The following POLM variants were observed in gnomAD, a reference collection of about 807,000 sequenced individuals.
POLM encodes DNA-directed DNA/RNA polymerase mu.
Under a neutral mutation model 56.7 loss-of-function variants are expected in POLM, and 52 were observed. That is an observed-to-expected ratio of 0.92 (90% CI 0.73 to 1.15). The LOEUF is 1.15. Ranked by LOEUF, POLM falls within the 50% of genes most tolerant of loss-of-function variation. POLM has a pLI of 0.00. For missense variants in POLM, 660 were observed against 663.6 expected (o/e 0.99, Z 0.06); for synonymous variants, 273 against 274.3 (o/e 1.00, Z 0.05).
At chr7:44,076,249 G>A in intron 6 of POLM, 2 of 413,002 alleles carry the variant, frequency 4.8e-6, no homozygotes, top group Admixed American at 3.8e-5. Context: ...GGCTGTCCCT[G>A]GTCACTGGTC....
intron 5 of POLM, 123 bp from the exon 6 acceptor site, chr7:44,076,752 C>T: frequency 8.0e-7 from 1 of 1,246,558 alleles, no homozygotes; most frequent in East Asian, 2.4e-5. Context: ...TCCCCACTCG[C>T]AACCTGCCGT....
intron 2 of POLM, 137 bp from the exon 3 acceptor site, chr7:44,080,096 C>A: frequency 3.0e-6 from 2 of 673,686 alleles, no homozygotes; most frequent in Non-Finnish European, 5.3e-6. Flanking sequence ...GGCAACAAAA[C>A]ACCAGCGGCA....
Position 44,073,393 on chromosome 7 carries a change from G to A in POLM, c.1399-16C>T. On this transcript the variant is annotated splice_polypyrimidine_tract_variant and intron_variant, in intron 10 of 10. Transcript: ENST00000242248. The stretch of plus-strand genomic sequence containing the variant: ...AAAATGTCTTCTGCAACAGAAGCAG[G>A]ACTTCCGTGACCTAGGAGTCTTGCC... 1 of 1,612,366 alleles carries A rather than the reference G, an allele frequency of 6.2e-7. No individual in the cohort carries two copies. Among genetic ancestry groups the A allele is most frequent in the Non-Finnish European group, 8.5e-7 (1 of 1,179,326 alleles).
chr7:44,072,145 G>C lies in POLM; in HGVS notation c.*1146C>G, dbSNP rs377279762. On this transcript the variant is annotated 3_prime_UTR_variant, in exon 11 of 11. Transcript: ENST00000242248. ...GGGATGTAGCACCGCTAAGTGGGTG[G>C]GGGTGGAGAAGCACATGACCACAAT... is the stretch of plus-strand genomic sequence containing the variant. 1.9e-4 allele frequency: 29 copies of C among 152,280 alleles called. No individual in the cohort carries two copies. Among genetic ancestry groups the C allele is most frequent in the African/African-American group, 7.0e-4 (29 of 41,446 alleles). 9.4% of individuals were successfully genotyped at this position (152,280 alleles called of 1,614,324 possible). A position where few individuals can be genotyped will look rare whatever the true frequency, so the allele number is the denominator to read the frequency against.
At chr7:44,080,391 A>T (rs1001110517) in intron 2 of POLM, 1 of 554,712 alleles carries the variant, frequency 1.8e-6, no homozygotes, top group Admixed American at 2.2e-5. Context: ...GCCTTATAGC[A>T]TCCAGAGGAC....
chr7:44,082,496 G>T lies in POLM; in HGVS notation c.-58C>A. The T allele has an allele frequency of 3.7e-6, 2 of 541,264 alleles. No homozygotes were observed. Among genetic ancestry groups the T allele is most frequent in the African/African-American group, 2.1e-5 (1 of 47,282 alleles). The allele number at this position is 541,264 out of a possible 1,614,324, so 33.5% of individuals were successfully genotyped here. A position where few individuals can be genotyped will look rare whatever the true frequency, so the allele number is the denominator to read the frequency against. On this transcript the variant is annotated 5_prime_UTR_variant, in exon 1 of 11. Coordinates refer to ENST00000242248, the MANE Select transcript of POLM (RefSeq NM_013284.4). The stretch of plus-strand genomic sequence containing the variant: ...CGCAGAGGGAAACTCCGAGCGAGAC[G>T]GAAGGAAGCCCCAGTGAGGCTGACG...
At chr7:44,078,604 CTTCCTCGGCAAGACCT>C (rs2096190211) in intron 5 of POLM, 120 bp downstream of exon 5, 1 of 717,658 alleles carries the variant, frequency 1.4e-6, no homozygotes, top group East Asian at 2.7e-5. Flanking sequence ...TTAGCTGCCA[CTTCCTCGGCAAGACCT>C]TCTCTGACCC....
intron 4 of POLM, 146 bp downstream of exon 4, chr7:44,079,425 A>G (rs913373702): frequency 1.4e-6 from 1 of 709,814 alleles, no homozygotes; most frequent in East Asian, 2.7e-5. Context: ...ATCTGAGCGC[A>G]GAGGGTGGCT....
At chr7:44,076,918 A>C in intron 5 of POLM, 1 of 304,944 alleles carries the variant, frequency 3.3e-6, no homozygotes, top group East Asian at 5.8e-5. Flanking sequence ...ACCCTAACAC[A>C]TCAGCACGAG....
intron 6 of POLM, among the ~76,000 whole-genome samples, chr7:44,074,950 A>G (rs1586014382): frequency 6.6e-6 from 1 of 152,196 alleles, no homozygotes; most frequent in East Asian, 1.9e-4. Context: ...TGGGACCAAG[A>G]GGTGGTAAAA....
At position 44,072,065 on chromosome 7, in the gene POLM, G is replaced by C. The variant is rs969453115; in HGVS notation, c.*1226C>G. The stretch of plus-strand genomic sequence containing the variant: ...GGCTGTGGGGAGAGGCCAGTCCAAA[G>C]GTTAAATATAGTTTGGTTCTATTTA... On this transcript the variant is annotated 3_prime_UTR_variant, in exon 11 of 11. Coordinates refer to ENST00000242248, the MANE Select transcript of POLM (RefSeq NM_013284.4). 4.6e-5 allele frequency among the ~76,000 whole-genome samples: 7 copies of C among 152,168 alleles called. No homozygotes were observed. Among genetic ancestry groups the C allele is most frequent in the African/African-American group, 1.7e-4 (7 of 41,426 alleles).
Position 44,073,811 on chromosome 7 carries a change from A to G in POLM, c.1286T>C (p.Phe429Ser). ...LVVAPVSQFP[F>S]ALLGWTGSKL... ...GGAGCCAGTCCAACCGAGCAGGGCG[A>G]AAGGGAACTGGCTGACGGGTGCAAC... Residue 429 changes from phenylalanine to serine, a missense_variant, in exon 9 of 11, where the codon TTC (phenylalanine) becomes TCC (serine). Physicochemically the swap from Phe to Ser is radical, Grantham distance 155. Transcript: ENST00000242248. The G allele has an allele frequency of 4.3e-6, 7 of 1,614,236 alleles. No homozygotes were observed. Among genetic ancestry groups the G allele is most frequent in the Non-Finnish European group, 5.9e-6 (7 of 1,180,038 alleles).
At chr7:44,078,697 G>C (rs1390047645) in intron 5 of POLM, 43 bp downstream of exon 5, 4 of 1,563,118 alleles carry the variant, frequency 2.6e-6, no homozygotes, top group Non-Finnish European at 3.5e-6. Flanking sequence ...TCATTCCCAG[G>C]GCAGGACATT....
intron 5 of POLM, 24 bp from the exon 6 acceptor site, chr7:44,076,653 G>T: frequency 6.2e-7 from 1 of 1,612,624 alleles, no homozygotes; most frequent in Non-Finnish European, 8.5e-7. Context: ...GCGTAGCCCG[G>T]TTGGGCAGAG....
Position 44,074,237 on chromosome 7 carries a change from A to C in POLM, c.969-4T>G. The C allele has an allele frequency of 1.9e-6, 3 of 1,570,326 alleles. No individual in the cohort carries two copies. The highest frequency in any genetic ancestry group is 2.6e-6 in the Non-Finnish European group (3 of 1,156,910). On this transcript the variant is annotated splice_polypyrimidine_tract_variant and splice_region_variant and intron_variant, in intron 7 of 10. Transcript: ENST00000242248. ...GTCATGGCCCTGCAACTTCCCCCTG[A>C]GGGCGTCAGTCTGACTCTGACTCAG... is the stretch of plus-strand genomic sequence containing the variant.
In POLM at chr7:44,073,819, C is replaced by G; in HGVS notation, c.1278G>C (p.Gln426His). 6.2e-7 allele frequency: 1 copy of G among 1,614,246 alleles called. No homozygotes were observed. ...TCCAACCGAGCAGGGCGAAAGGGAA[C>G]TGGCTGACGGGTGCAACTACCAAGT... ...RVDLVVAPVSQFPFALLGWTG... is the reference protein window; with the variant it reads ...RVDLVVAPVSHFPFALLGWTG... The change falls in exon 9 of 11, where the codon CAG (glutamine) becomes CAC (histidine). Residue 426 changes from glutamine to histidine, a missense_variant. By Grantham distance (24) the Gln-to-His change is conservative. Transcript: ENST00000242248.
chr7:44,079,528 T>TGCCCCC, intron 4 of POLM, 43 bp downstream of exon 4: 7 of 1,506,348 alleles, frequency 4.6e-6, no homozygotes, highest in East Asian at 2.4e-5. Flanking sequence ...CCCCAAGGCC[T>TGCCCCC]CCCCACCCAC....
intron 9 of POLM, 30 bp from the exon 10 acceptor site, chr7:44,073,738 C>G: frequency 6.2e-7 from 1 of 1,614,106 alleles, no homozygotes; most frequent in Non-Finnish European, 8.5e-7. Flanking sequence ...CTCAGCAGGG[C>G]TGGCCCAGCC....
intron 5 of POLM, chr7:44,076,868 C>A (rs1044496762): frequency 2.6e-5 from 14 of 534,744 alleles, no homozygotes; most frequent in African/African-American, 2.5e-4. Flanking sequence ...AAGGGACTTA[C>A]ACAGCTCTAG....
Sources: gnomAD v4.1 joint callset for allele counts (sites outside exome capture counted in the v4.1 genomes callset) on GRCh38, gnomAD v4.1.1 for gene constraint, MANE v1.5 for transcripts, NCBI Gene and HGNC (gene_info 2026-07-23, HGNC 2026-07-21) for gene names.